The following AGO3 variants were observed in gnomAD, a reference collection of about 807,000 sequenced individuals.
The protein encoded by AGO3 is protein argonaute-3.
Under a neutral mutation model 105.5 loss-of-function variants are expected in AGO3, and 16 were observed. The ratio of observed to expected loss-of-function variants is 0.15; its 90% CI spans 0.10 to 0.23. The LOEUF (loss-of-function observed/expected upper bound fraction) is 0.23, where lower values mean the gene tolerates loss of function less well. Ranked by LOEUF, AGO3 falls within the 10% of genes least tolerant of loss-of-function variation. AGO3 has a pLI of 1.00. For missense variants in AGO3, 534 were observed against 1,088.0 expected, an observed-to-expected ratio of 0.49 and a Z score of 7.16; for synonymous variants, 340 against 367.3, an observed-to-expected ratio of 0.93 and a Z score of 0.85.
Position 36,057,455 on chromosome 1 carries a change from G to A in AGO3, c.*1710G>A, listed in dbSNP as rs746803969. The A allele has an allele frequency of 1.3e-5, 2 of 151,578 alleles. No homozygotes were observed. The highest frequency in any genetic ancestry group is 2.9e-5 in the Non-Finnish European group (2 of 67,916). 9.4% of individuals were successfully genotyped at this position (151,578 alleles called of 1,614,324 possible). Reference sequence around the variant, plus strand: ...CTTTAATAATTATAGAATTGTATTGGCAGCATCTTTTATAGAAATATAATC... The same window carrying A: ...CTTTAATAATTATAGAATTGTATTGACAGCATCTTTTATAGAAATATAATC... On this transcript the variant is annotated 3_prime_UTR_variant, in exon 19 of 19. Transcript: ENST00000373191.
chr1:36,045,852 T>C (rs1419467581), intron 17 of AGO3, among the ~76,000 whole-genome samples: 1 of 152,094 alleles, frequency 6.6e-6, no homozygotes, highest in Non-Finnish European at 1.5e-5. Context: ...CAAACAACTA[T>C]ATTTTAATGA....
intron 1 of AGO3, among the ~76,000 whole-genome samples, chr1:35,943,225 C>T (rs1054531699): frequency 6.6e-6 from 1 of 151,502 alleles, no homozygotes; most frequent in Admixed American, 6.6e-5. Flanking sequence ...CCAGGCTATT[C>T]TCGAACTCCT....
chr1:35,976,011 C>T (rs1013439871), intron 5 of AGO3, among the ~76,000 whole-genome samples: 4 of 151,608 alleles, frequency 2.6e-5, no homozygotes, highest in Non-Finnish European at 5.9e-5. Flanking sequence ...TCTCGGCTCA[C>T]AGCAACCTCC....
rs977485565 is a variant in AGO3 at position 36,069,482 on chromosome 1, G to A, written c.*13737G>A. On this transcript the variant is annotated 3_prime_UTR_variant, in exon 19 of 19. Coordinates refer to ENST00000373191, the MANE Select transcript of AGO3 (RefSeq NM_024852.4). ...CAGACGTTCAAGATAATAGAAGAGT[G>A]TTGTGTGAAGGATTCCTTTCCAGTT... 8 of 152,198 alleles carry A rather than the reference G, an allele frequency of 5.3e-5. No individual in the cohort carries two copies. Among genetic ancestry groups the A allele is most frequent in the Non-Finnish European group, 1.0e-4 (7 of 68,040 alleles). The allele number at this position is 152,198 out of a possible 1,614,324, so 9.4% of individuals were successfully genotyped here. A position where few individuals can be genotyped will look rare whatever the true frequency, so the allele number is the denominator to read the frequency against.
At chr1:35,994,509 G>A (rs1048797929) in intron 5 of AGO3, among the ~76,000 whole-genome samples, 6 of 152,070 alleles carry the variant, frequency 3.9e-5, no homozygotes, top group African/African-American at 1.4e-4. Context: ...TCATTATTTG[G>A]TAATCATACT....
At chr1:36,042,818 G>T (rs1381755902) in intron 16 of AGO3, among the ~76,000 whole-genome samples, 1 of 152,160 alleles carries the variant, frequency 6.6e-6, no homozygotes, top group Non-Finnish European at 1.5e-5. Flanking sequence ...TGAAATAAAA[G>T]GAATAAGGCC....
chr1:36,018,715 G>A (rs1382592613), intron 11 of AGO3, among the ~76,000 whole-genome samples: 1 of 152,164 alleles, frequency 6.6e-6, no homozygotes, highest in Non-Finnish European at 1.5e-5. Flanking sequence ...ACAGGCATGA[G>A]CCACCACACC....
intron 12 of AGO3, among the ~76,000 whole-genome samples, chr1:36,028,636 A>G (rs1393145467): frequency 6.6e-6 from 1 of 151,668 alleles, no homozygotes; most frequent in African/African-American, 2.4e-5. Flanking sequence ...TTCTTAATCC[A>G]GTCTATCATT....
intron 16 of AGO3, chr1:36,043,212 A>G: frequency 9.6e-6 from 4 of 418,616 alleles, no homozygotes; most frequent in Non-Finnish European, 1.7e-5. Flanking sequence ...CTATCAGCTA[A>G]GCAGTAGTAG....
chr1:36,037,249 G>A (rs1642051205), intron 14 of AGO3, among the ~76,000 whole-genome samples: 1 of 152,186 alleles, frequency 6.6e-6, no homozygotes, highest in African/African-American at 2.4e-5. Flanking sequence ...GCCAGGCGCG[G>A]TGGCTCACGC....
chr1:35,971,917 A>G, intron 3 of AGO3, 107 bp from the exon 4 acceptor site: 1 of 1,058,464 alleles, frequency 9.4e-7, no homozygotes, highest in Non-Finnish European at 1.4e-6. Context: ...TAGTCTATTG[A>G]CTTTATTTTT....
At chr1:35,971,975 G>C in intron 3 of AGO3, 49 bp from the exon 4 acceptor site, 1 of 1,509,644 alleles carries the variant, frequency 6.6e-7, no homozygotes, top group African/African-American at 1.4e-5. Context: ...TAAAATAATT[G>C]TATTTATCTT....
chr1:35,986,341 T>TA (rs1189438945), intron 5 of AGO3, among the ~76,000 whole-genome samples: 13 of 152,246 alleles, frequency 8.5e-5, no homozygotes, highest in African/African-American at 2.9e-4. Context: ...TGTGGTGTAC[T>TA]ACATAACAGT....
At chr1:35,991,710 T>A (rs1029352614) in intron 5 of AGO3, among the ~76,000 whole-genome samples, 3 of 152,052 alleles carry the variant, frequency 2.0e-5, no homozygotes, top group African/African-American at 4.8e-5. Context: ...TTACATACCA[T>A]AAAATTCACA....
At chr1:36,042,462 G>C (rs559677361) in intron 16 of AGO3, among the ~76,000 whole-genome samples, 7 of 152,258 alleles carry the variant, frequency 4.6e-5, no homozygotes, top group African/African-American at 1.4e-4. Context: ...TTAGGACCAG[G>C]CATAATTTAG....
At position 36,008,855 on chromosome 1, in the gene AGO3, A is replaced by T; in HGVS notation, c.882-42A>T. 1 of 1,614,126 alleles carries T rather than the reference A, an allele frequency of 6.2e-7. No individual in the cohort carries two copies. Among genetic ancestry groups the T allele is most frequent in the Non-Finnish European group, 8.5e-7 (1 of 1,180,036 alleles). ...GTGGGGTTGGGAGTTTTTCTGGCTC[A>T]TAATGGGCAAGAATTGTTCATGTGT... On this transcript the variant is annotated intron_variant, in intron 7 of 18. Transcript: ENST00000373191. The surrounding 1 kb of genome is among the most constrained non-coding windows in gnomAD (Gnocchi z 5.1).
At chr1:35,971,520 C>G (rs1209073553) in intron 3 of AGO3, among the ~76,000 whole-genome samples, 2 of 151,376 alleles carry the variant, frequency 1.3e-5, no homozygotes, top group African/African-American at 4.9e-5. Flanking sequence ...CAAAAGTATA[C>G]CAAAACATAT....
At chr1:35,939,786 T>C (rs1646219599) in intron 1 of AGO3, among the ~76,000 whole-genome samples, 1 of 152,134 alleles carries the variant, frequency 6.6e-6, no homozygotes, top group African/African-American at 2.4e-5. Context: ...TGTATACATA[T>C]AGGCAGAACT....
rs1641905794 is a variant in AGO3 at position 36,034,136 on chromosome 1, C to A, written c.1592-38C>A. On this transcript the variant is annotated intron_variant, in intron 12 of 18. Coordinates refer to ENST00000373191, the MANE Select transcript of AGO3 (RefSeq NM_024852.4). Reference sequence around the variant, plus strand: ...TCAGTATGTAAAATTATTTTCAGGTCTTTTTTTCTGACTAGAGGTTTTGCA... The same window carrying A: ...TCAGTATGTAAAATTATTTTCAGGTATTTTTTTCTGACTAGAGGTTTTGCA... 4 of 1,463,258 alleles carry A rather than the reference C, an allele frequency of 2.7e-6. No individual in the cohort carries two copies. The East Asian group carries it at 9.8e-5, about 36-fold the overall frequency. The allele number at this position is 1,463,258 out of a possible 1,614,324, so 90.6% of individuals were successfully genotyped here.
Sources: gnomAD v4.1 joint callset for allele counts (sites outside exome capture counted in the v4.1 genomes callset) on GRCh38, gnomAD v4.1.1 for gene constraint, Gnocchi (gnomAD v3.1) non-coding constraint, MANE v1.5 for transcripts, NCBI Gene and HGNC (gene_info 2026-07-23, HGNC 2026-07-21) for gene names.